The following CLIP2 variants were observed in gnomAD, a reference collection of about 807,000 sequenced individuals.
CLIP2 encodes the protein CAP-Gly domain-containing linker protein 2.
CLIP2 carries 41 observed loss-of-function variants against 111.7 expected under a neutral mutation model. The observed-to-expected ratio is 0.37, with a 90% CI of 0.29 to 0.48. The LOEUF is 0.48. Ranked by LOEUF, CLIP2 falls within the 20% of genes least tolerant of loss-of-function variation. CLIP2 has a pLI of 0.99. For missense variants in CLIP2, 1,160 were observed against 1,422.1 expected, an observed-to-expected ratio of 0.82 and a Z score of 2.96; for synonymous variants, 660 against 644.2, an observed-to-expected ratio of 1.02 and a Z score of -0.37.
intron 2 of CLIP2, among the ~76,000 whole-genome samples, chr7:74,332,743 CG>C (rs1314957523): frequency 8.5e-5 from 13 of 152,290 alleles, no homozygotes; most frequent in African/African-American, 3.1e-4. Context: ...CCCGCTCCCC[CG>C]GGTACCACAT....
chr7:74,316,631 G>A (rs528992526), intron 1 of CLIP2, among the ~76,000 whole-genome samples: 6 of 149,660 alleles, frequency 4.0e-5, no homozygotes, highest in South Asian at 4.3e-4. Flanking sequence ...GCGTGACCTC[G>A]GCTTACTGCA....
intron 2 of CLIP2, among the ~76,000 whole-genome samples, chr7:74,327,746 C>G (rs1789156736): frequency 1.3e-5 from 2 of 152,154 alleles, no homozygotes; most frequent in Admixed American, 6.6e-5. Context: ...GGGCTGCCTC[C>G]TAATGTCCCT....
At chr7:74,398,657 T>A (rs574277240) in intron 14 of CLIP2, among the ~76,000 whole-genome samples, 2 of 152,336 alleles carry the variant, frequency 1.3e-5, no homozygotes, top group African/African-American at 4.8e-5. Flanking sequence ...AGTAGGCCCT[T>A]GGCCCTCAGG....
At chr7:74,327,159 G>A (rs1171897118) in intron 2 of CLIP2, among the ~76,000 whole-genome samples, 1 of 152,110 alleles carries the variant, frequency 6.6e-6, no homozygotes, top group African/African-American at 2.4e-5. Flanking sequence ...CTGGAGTGCA[G>A]TGGTGCAATC....
At chr7:74,321,658 C>T (rs942431861) in intron 2 of CLIP2, among the ~76,000 whole-genome samples, 2 of 151,934 alleles carry the variant, frequency 1.3e-5, no homozygotes, top group Non-Finnish European at 2.9e-5. Flanking sequence ...TTAGTAGAGA[C>T]AGGGTTTCAT....
chr7:74,397,267 C>T, intron 14 of CLIP2, 34 bp downstream of exon 14: 15 of 1,601,492 alleles, frequency 9.4e-6, no homozygotes, highest in Non-Finnish European at 1.3e-5. Flanking sequence ...GGGGCAGGGG[C>T]ACTAGTCCGG....
intron 2 of CLIP2, among the ~76,000 whole-genome samples, chr7:74,320,121 G>A (rs1175041007): frequency 6.7e-6 from 1 of 150,198 alleles, no homozygotes; most frequent in Non-Finnish European, 1.5e-5. Flanking sequence ...GCTTGAACCC[G>A]GGAGGCGGAG....
chr7:74,291,623 C>T (rs781911381), intron 1 of CLIP2, among the ~76,000 whole-genome samples: 40 of 152,314 alleles, frequency 2.6e-4, no homozygotes, highest in Middle Eastern at 3.4e-3. Flanking sequence ...TTGTTGCTGC[C>T]GTACAGAGTG....
At chr7:74,357,862 T>G (rs1288349582) in intron 6 of CLIP2, among the ~76,000 whole-genome samples, 1 of 151,624 alleles carries the variant, frequency 6.6e-6, no homozygotes, top group African/African-American at 2.4e-5. Context: ...GTTCAAGCGA[T>G]TCTCCTGCCT....
chr7:74,403,753 C>T, intron 16 of CLIP2, 84 bp from the exon 17 acceptor site: 1 of 1,467,000 alleles, frequency 6.8e-7, no homozygotes, highest in Non-Finnish European at 9.5e-7. Context: ...GGCCCCAACT[C>T]CTTTCCTCCC....
At chr7:74,322,348 G>A (rs1361671010) in intron 2 of CLIP2, among the ~76,000 whole-genome samples, 1 of 149,908 alleles carries the variant, frequency 6.7e-6, no homozygotes, top group Non-Finnish European at 1.5e-5. Flanking sequence ...GCTCATGCCT[G>A]TAATCCCAGC....
rs145104393 is a variant in CLIP2, at chr7:74,300,945, C to T, written c.-68+11211C>T. ...GAATCATTTTCCTTTGGGTAGATGG[C>T]AATTAGTAGGATTGCTGGATGGAAG... On this transcript the variant is annotated intron_variant, in intron 1 of 16. Transcript: ENST00000223398. Among the ~76,000 whole-genome samples, 273 of 152,250 alleles carry T rather than the reference C, an allele frequency of 1.8e-3. 1 individual carries two copies. Among genetic ancestry groups the T allele is most frequent in the African/African-American group, 3.4e-3 (141 of 41,546 alleles).
At chr7:74,365,899 G>A (rs1349542106) in intron 8 of CLIP2, among the ~76,000 whole-genome samples, 6 of 151,904 alleles carry the variant, frequency 3.9e-5, no homozygotes, top group East Asian at 1.9e-4. Context: ...GACTACAGGC[G>A]TGTGCCACCA....
chr7:74,359,447 A>G lies in CLIP2; in HGVS notation c.1216-728A>G, dbSNP rs1271482293. ...TGGCTCACTGCAAGCTCCGCCCCCC[A>G]GGTTCACGCCATTCTCCTGCCTCAG... On this transcript the variant is annotated intron_variant, in intron 6 of 16. Transcript: ENST00000223398. Among the ~76,000 whole-genome samples, 6 of 141,916 alleles carry G rather than the reference A, an allele frequency of 4.2e-5. No individual in the cohort carries two copies. In the East Asian group the frequency reaches 6.5e-4, roughly 15 times the overall value. 93.1% of individuals were successfully genotyped at this position (141,916 alleles called of 152,430 possible).
rs782232616 is a variant in CLIP2 at position 74,390,164 on chromosome 7, AGAAAGAAAG to A, written c.2720+906_2720+914del. Among the ~76,000 whole-genome samples the A allele has an allele frequency of 1.9e-3, 199 of 106,640 alleles. 1 individual carries two copies. Among genetic ancestry groups the A allele is most frequent in the African/African-American group, 5.7e-3 (151 of 26,262 alleles). 70.0% of individuals were successfully genotyped at this position (106,640 alleles called of 152,430 possible). On this transcript the variant is annotated intron_variant, in intron 13 of 16. Coordinates refer to ENST00000223398, the MANE Select transcript of CLIP2 (RefSeq NM_003388.5). ...AGAAAGAAAGAAAAAGAAAGAAAGAAGAAAGAAAGAAAGAAAGAAAGAAAGAAAGAAAGA... is the reference window on the plus strand; with the variant it reads ...AGAAAGAAAGAAAAAGAAAGAAAGAAAAAGAAAGAAAGAAAGAAAGAAAGA...
rs1291674796 is a variant in CLIP2, at chr7:74,289,424, G to T, written c.-378G>T. 6.6e-6 allele frequency: 1 copy of T among 150,726 alleles called. No homozygotes were observed. Among genetic ancestry groups the T allele is most frequent in the Non-Finnish European group, 1.5e-5 (1 of 67,442 alleles). The allele number at this position is 150,726 out of a possible 1,614,324, so 9.3% of individuals were successfully genotyped here. On this transcript the variant is annotated 5_prime_UTR_variant, in exon 1 of 17. Coordinates refer to ENST00000223398, the MANE Select transcript of CLIP2 (RefSeq NM_003388.5). ...CGCCGGCCCCTTTTGTTCCCTCCCG[G>T]AGCCGGGCCGCTGGCTCCGCTGGCT... is the stretch of plus-strand genomic sequence containing the variant.
At chr7:74,306,560 C>G (rs1788493433) in intron 1 of CLIP2, among the ~76,000 whole-genome samples, 1 of 152,180 alleles carries the variant, frequency 6.6e-6, no homozygotes, top group African/African-American at 2.4e-5. Flanking sequence ...CGCCGGGGCC[C>G]TGATTGGCAG....
At chr7:74,363,359 C>G (rs893793967) in intron 7 of CLIP2, among the ~76,000 whole-genome samples, 1 of 152,120 alleles carries the variant, frequency 6.6e-6, no homozygotes, top group African/African-American at 2.4e-5. Context: ...CTCTCCCCTG[C>G]GCTGTCTTGA....
chr7:74,402,645 T>C (rs1330506635), intron 16 of CLIP2, among the ~76,000 whole-genome samples: 1 of 152,050 alleles, frequency 6.6e-6, no homozygotes, highest in Non-Finnish European at 1.5e-5. Context: ...TGAGCTAGGA[T>C]TGCGCCACTG....
Sources: allele counts gnomAD v4.1 joint callset (sites outside exome capture counted in the v4.1 genomes callset), GRCh38; gene constraint gnomAD v4.1.1; transcripts MANE v1.5; gene names NCBI Gene and HGNC (gene_info 2026-07-23, HGNC 2026-07-21).